LRRC4C: variants seen among roughly 807,000 people sequenced by gnomAD.
LRRC4C encodes leucine-rich repeat-containing protein 4C.
In LRRC4C, 5 loss-of-function variants were observed where a neutral mutation model predicts 33.6. The observed-to-expected ratio is 0.15, with a 90% CI of 0.08 to 0.31. The LOEUF (loss-of-function observed/expected upper bound fraction) is 0.31, where lower values mean the gene tolerates loss of function less well. Ranked by LOEUF, LRRC4C falls within the 10% of genes least tolerant of loss-of-function variation. The probability of loss-of-function intolerance (pLI) is 1.00; values close to 1 mark genes in which losing one functional copy is unlikely to be tolerated. For missense variants in LRRC4C, 560 were observed against 796.7 expected, an observed-to-expected ratio of 0.70 and a Z score of 3.58; for synonymous variants, 329 against 302.0, an observed-to-expected ratio of 1.09 and a Z score of -0.93.
chr11:40,602,247 C>A (rs1172605963), intron 3 of LRRC4C, among the ~76,000 whole-genome samples: 3 of 148,214 alleles, frequency 2.0e-5, no homozygotes, highest in Admixed American at 6.7e-5. Context: ...CTTTCAGGAA[C>A]TTTAATAGAG....
chr11:40,202,734 G>A (rs1312724052), intron 5 of LRRC4C, among the ~76,000 whole-genome samples: 1 of 152,118 alleles, frequency 6.6e-6, no homozygotes, highest in Non-Finnish European at 1.5e-5. Context: ...CCAGCCTGCA[G>A]GGATCTGTGC....
intron 6 of LRRC4C, among the ~76,000 whole-genome samples, chr11:40,137,765 G>C (rs1857081818): frequency 6.6e-6 from 1 of 152,090 alleles, no homozygotes; most frequent in Non-Finnish European, 1.5e-5. Flanking sequence ...AATGTGTGTG[G>C]TAGCATCTGT....
intron 2 of LRRC4C, among the ~76,000 whole-genome samples, chr11:40,890,376 C>A (rs1955648063): frequency 6.6e-6 from 1 of 152,030 alleles, no homozygotes; most frequent in African/African-American, 2.4e-5. Context: ...GCTGAATTCC[C>A]TTTATGACAA....
rs199598860 is a variant in LRRC4C at position 40,329,737 on chromosome 11, C to CTTTTTTTTTTT, written c.-269-10027_-269-10017dup. ...GTAGTTACTTTCTTACTTTCTTTTT[C>CTTTTTTTTTTT]TTTTTTTTTTTTTTTTTTTTTTGAG... On this transcript the variant is annotated intron_variant, in intron 3 of 6. Transcript: ENST00000528697. Among the ~76,000 whole-genome samples the CTTTTTTTTTTT allele has an allele frequency of 5.3e-4, 64 of 120,422 alleles. 1 individual carries two copies. Among genetic ancestry groups the CTTTTTTTTTTT allele is most frequent in the African/African-American group, 1.0e-3 (32 of 31,900 alleles). The allele number at this position is 120,422 out of a possible 152,430, so 79.0% of individuals were successfully genotyped here.
At chr11:40,800,009 A>C (rs986802053) in intron 2 of LRRC4C, among the ~76,000 whole-genome samples, 2 of 152,200 alleles carry the variant, frequency 1.3e-5, no homozygotes, top group Non-Finnish European at 2.9e-5. Context: ...GTAGCTAAGA[A>C]AAGAAGTCAG....
At chr11:40,879,981 G>C (rs547980062) in intron 2 of LRRC4C, among the ~76,000 whole-genome samples, 30 of 152,172 alleles carry the variant, frequency 2.0e-4, no homozygotes, top group Admixed American at 7.9e-4. Flanking sequence ...TGTAACTATG[G>C]AGAAAGGTAT....
At chr11:40,391,882 T>G (rs1375947542) in intron 3 of LRRC4C, among the ~76,000 whole-genome samples, 1 of 152,160 alleles carries the variant, frequency 6.6e-6, no homozygotes, top group Non-Finnish European at 1.5e-5. Flanking sequence ...TGCCTAAAAT[T>G]GGAAACAATC....
chr11:40,823,289 T>A (rs1451443076), intron 2 of LRRC4C, among the ~76,000 whole-genome samples: 1 of 151,608 alleles, frequency 6.6e-6, no homozygotes, highest in Non-Finnish European at 1.5e-5. Context: ...CTTAGTTAGA[T>A]ACAGAATCAA....
chr11:41,253,730 G>T (rs1366488420), intron 1 of LRRC4C, among the ~76,000 whole-genome samples: 1 of 152,042 alleles, frequency 6.6e-6, no homozygotes, highest in African/African-American at 2.4e-5. Flanking sequence ...ATGATTCTAA[G>T]ATTCTACCAC....
chr11:41,076,152 ATCCTGAACCTATC>A (rs1350508946), intron 1 of LRRC4C, among the ~76,000 whole-genome samples: 1 of 152,174 alleles, frequency 6.6e-6, no homozygotes, highest in Non-Finnish European at 1.5e-5. Context: ...TTTAATCTTT[ATCCTGAACCTATC>A]TCCTGAACCT....
intron 1 of LRRC4C, among the ~76,000 whole-genome samples, chr11:41,316,417 T>A (rs1205311751): frequency 6.6e-6 from 1 of 152,128 alleles, no homozygotes; most frequent in Admixed American, 6.6e-5. Flanking sequence ...TCCACTACAA[T>A]CCTCATTGAC....
At chr11:40,687,181 A>G (rs914696289) in intron 2 of LRRC4C, among the ~76,000 whole-genome samples, 1 of 152,106 alleles carries the variant, frequency 6.6e-6, no homozygotes, top group East Asian at 1.9e-4. Flanking sequence ...TGTAGGCTAG[A>G]TAATTTATAT....
At chr11:40,138,006 T>G (rs1000849106) in intron 6 of LRRC4C, among the ~76,000 whole-genome samples, 2 of 152,160 alleles carry the variant, frequency 1.3e-5, no homozygotes, top group Non-Finnish European at 2.9e-5. Context: ...TTTATTTAAT[T>G]CTCACAACAA....
chr11:40,858,629 G>T (rs910457986), intron 2 of LRRC4C, among the ~76,000 whole-genome samples: 4 of 148,496 alleles, frequency 2.7e-5, no homozygotes, highest in Non-Finnish European at 5.9e-5. Context: ...AGGAGCCAGA[G>T]GTTGCAGTGA....
chr11:40,784,756 C>T (rs758586810), intron 2 of LRRC4C, among the ~76,000 whole-genome samples: 6 of 151,980 alleles, frequency 3.9e-5, no homozygotes, highest in Non-Finnish European at 5.9e-5. Flanking sequence ...TTAGGAAAGA[C>T]GAGAGTGTCA....
Position 40,956,902 on chromosome 11 carries a change from A to G in LRRC4C, c.-495-23179T>C, listed in dbSNP as rs546842033. Among the ~76,000 whole-genome samples the G allele has an allele frequency of 2.6e-5, 4 of 151,902 alleles. No individual in the cohort carries two copies. In the South Asian group the frequency reaches 8.3e-4, roughly 31 times the overall value. The stretch of plus-strand genomic sequence containing the variant: ...CAAAAAAAAGAAGAGTTTAATTGGA[A>G]GAAAGAACTGGATACTTGCCAGATA... On this transcript the variant is annotated intron_variant, in intron 1 of 6. Coordinates refer to ENST00000528697, the MANE Select transcript of LRRC4C (RefSeq NM_001258419.2).
chr11:40,116,567 C>T (rs1408632715), intron 6 of LRRC4C, among the ~76,000 whole-genome samples: 1 of 151,972 alleles, frequency 6.6e-6, no homozygotes, highest in East Asian at 1.9e-4. Flanking sequence ...AGTAAGGGGT[C>T]AATGAGGTAG....
intron 2 of LRRC4C, among the ~76,000 whole-genome samples, chr11:40,702,964 T>A (rs1945948857): frequency 1.3e-5 from 2 of 152,144 alleles, no homozygotes; most frequent in Non-Finnish European, 2.9e-5. Context: ...AGAATCAATA[T>A]CAAAAGCTAG....
chr11:40,512,057 C>A (rs957752592), intron 3 of LRRC4C, among the ~76,000 whole-genome samples: 21 of 152,040 alleles, frequency 1.4e-4, no homozygotes, highest in African/African-American at 5.1e-4. Flanking sequence ...AAAAAAAATC[C>A]ATATAGGCCT....
Sources: allele counts gnomAD v4.1 joint callset (sites outside exome capture counted in the v4.1 genomes callset), GRCh38; gene constraint gnomAD v4.1.1; transcripts MANE v1.5; gene names NCBI Gene and HGNC (gene_info 2026-07-23, HGNC 2026-07-21).